CABCOCO1: variants seen among roughly 807,000 people sequenced by gnomAD.
CABCOCO1 encodes ciliary-associated calcium-binding coiled-coil protein 1.
Under a neutral mutation model 35.7 loss-of-function variants are expected in CABCOCO1, and 28 were observed. That is an observed-to-expected ratio of 0.78 (90% CI 0.58 to 1.07). The LOEUF is 1.07. CABCOCO1 is among the 50% of genes least tolerant of loss of function. The pLI is 0.00. For synonymous variants in CABCOCO1, 95 were observed against 100.1 expected (o/e 0.95, Z 0.30); for missense variants, 326 against 309.2 (o/e 1.05, Z -0.41).
chr10:61,748,033 A>G (rs180971736), intron 5 of CABCOCO1, among the ~76,000 whole-genome samples: 38 of 152,302 alleles, frequency 2.5e-4, no homozygotes, highest in African/African-American at 8.9e-4. Flanking sequence ...CCTAGCATGG[A>G]CACTTTTTGG....
At chr10:61,669,217 G>A (rs377664575) in intron 1 of CABCOCO1, among the ~76,000 whole-genome samples, 12 of 151,738 alleles carry the variant, frequency 7.9e-5, no homozygotes, top group African/African-American at 2.9e-4. Flanking sequence ...ATTCTAGAAA[G>A]AAAAAATATA....
chr10:61,766,730 A>G lies in CABCOCO1; in HGVS notation c.*717A>G, dbSNP rs1842117494. ...ACCAACCTATATATAGATTGTAAAA[A>G]TCTTAAATACAAATCAAACTCATAG... On this transcript the variant is annotated 3_prime_UTR_variant, in exon 8 of 8. Transcript: ENST00000648843. 1 of 152,164 alleles carries G rather than the reference A, an allele frequency of 6.6e-6. No individual in the cohort carries two copies. The highest frequency in any genetic ancestry group is 1.5e-5 in the Non-Finnish European group (1 of 68,020). The allele number at this position is 152,164 out of a possible 1,614,324, so 9.4% of individuals were successfully genotyped here.
chr10:61,755,171 C>T (rs1841872319), intron 5 of CABCOCO1, among the ~76,000 whole-genome samples: 1 of 152,038 alleles, frequency 6.6e-6, no homozygotes, highest in South Asian at 2.1e-4. Context: ...TTTTGAATTT[C>T]CTCTTTTCAT....
At chr10:61,712,952 T>C (rs149235475) in intron 5 of CABCOCO1, among the ~76,000 whole-genome samples, 2,122 of 152,314 alleles carry the variant, frequency 0.014, 41 homozygotes, top group African/African-American at 0.048. Context: ...TGCTTTCAGC[T>C]TTGTTCTTTT....
intron 3 of CABCOCO1, chr10:61,684,998 T>G (rs1006071481): frequency 6.6e-6 from 1 of 152,210 alleles, no homozygotes; most frequent in Non-Finnish European, 1.5e-5. Flanking sequence ...TTTGTTTTCA[T>G]TGGTGTGTAG....
At chr10:61,670,674 A>G (rs1411953893) in intron 1 of CABCOCO1, among the ~76,000 whole-genome samples, 1 of 152,172 alleles carries the variant, frequency 6.6e-6, no homozygotes, top group African/African-American at 2.4e-5. Flanking sequence ...GGAAGGCTCA[A>G]TAACTATTTG....
intron 5 of CABCOCO1, among the ~76,000 whole-genome samples, chr10:61,732,479 GACA>G (rs67794044): frequency 0.43 from 65,378 of 151,462 alleles, 15,832 homozygotes; most frequent in Non-Finnish European, 0.55. Flanking sequence ...TGACTGTAAA[GACA>G]ACAACTACCA....
chr10:61,708,682 T>C (rs138231323), intron 5 of CABCOCO1, among the ~76,000 whole-genome samples: 1 of 152,180 alleles, frequency 6.6e-6, no homozygotes, highest in East Asian at 1.9e-4. Context: ...TAATTGCCTC[T>C]CAAAGGCCAC....
intron 5 of CABCOCO1, among the ~76,000 whole-genome samples, chr10:61,698,807 T>C (rs1431806193): frequency 1.3e-5 from 2 of 152,050 alleles, no homozygotes; most frequent in Non-Finnish European, 2.9e-5. Flanking sequence ...AGTTATAGTG[T>C]CCTGAATAAA....
chr10:61,690,027 T>C (rs904345277), intron 4 of CABCOCO1, among the ~76,000 whole-genome samples: 1 of 152,144 alleles, frequency 6.6e-6, no homozygotes, highest in African/African-American at 2.4e-5. Context: ...TCAGACATTT[T>C]CTAAATGGAT....
intron 5 of CABCOCO1, among the ~76,000 whole-genome samples, chr10:61,747,053 T>TA (rs1469478058): frequency 6.6e-6 from 1 of 152,098 alleles, no homozygotes; most frequent in Admixed American, 6.6e-5. Context: ...GCAAACACTT[T>TA]AAAAAAATCT....
At chr10:61,702,586 G>A (rs1304669481) in intron 5 of CABCOCO1, among the ~76,000 whole-genome samples, 1 of 151,824 alleles carries the variant, frequency 6.6e-6, no homozygotes, top group Non-Finnish European at 1.5e-5. Flanking sequence ...AAGACTCTAG[G>A]GTTATATATT....
At chr10:61,677,141 A>G (rs572061998) in intron 2 of CABCOCO1, among the ~76,000 whole-genome samples, 4 of 152,118 alleles carry the variant, frequency 2.6e-5, no homozygotes, top group African/African-American at 7.2e-5. Flanking sequence ...ACAAAATCCA[A>G]CGTAGATTGG....
chr10:61,716,095 C>T (rs1283953354), intron 5 of CABCOCO1, among the ~76,000 whole-genome samples: 1 of 151,914 alleles, frequency 6.6e-6, no homozygotes, highest in East Asian at 1.9e-4. Flanking sequence ...GCCTAAATTG[C>T]TTCATATTTA....
chr10:61,736,891 G>GT (rs965679502), intron 5 of CABCOCO1, among the ~76,000 whole-genome samples: 5 of 151,996 alleles, frequency 3.3e-5, no homozygotes, highest in Admixed American at 2.0e-4. Context: ...GTATTTTATT[G>GT]TTTTTTTGTG....
rs117160123 is a variant in CABCOCO1 at position 61,756,787 on chromosome 10, G to A, written c.553-3272G>A. Reference sequence around the variant, plus strand: ...TGCTATTCTCATATAGAAGAAGGGAGGTTGCTAAATCAGGGTACCAAATAG... The same window carrying A: ...TGCTATTCTCATATAGAAGAAGGGAAGTTGCTAAATCAGGGTACCAAATAG... On this transcript the variant is annotated intron_variant, in intron 5 of 7. Transcript: ENST00000648843. Among the ~76,000 whole-genome samples, 690 of 152,044 alleles carry A rather than the reference G, an allele frequency of 4.5e-3. 1 individual carries two copies. The highest frequency in any genetic ancestry group is 8.2e-3 in the Non-Finnish European group (558 of 67,928).
chr10:61,757,259 T>C (rs1841916647), intron 5 of CABCOCO1, among the ~76,000 whole-genome samples: 1 of 152,118 alleles, frequency 6.6e-6, no homozygotes, highest in African/African-American at 2.4e-5. Flanking sequence ...CCATTTTTAA[T>C]GTGAAAAAAA....
intron 5 of CABCOCO1, among the ~76,000 whole-genome samples, chr10:61,751,065 TG>T (rs1841771699): frequency 6.6e-6 from 1 of 152,062 alleles, no homozygotes. Flanking sequence ...TTGATTGAGC[TG>T]GGTGGAAAGT....
intron 5 of CABCOCO1, among the ~76,000 whole-genome samples, chr10:61,751,193 C>CTGCTT (rs1564555916): frequency 6.8e-6 from 1 of 146,926 alleles, no homozygotes; most frequent in African/African-American, 2.5e-5. Flanking sequence ...TTGCTTCGCT[C>CTGCTT]TGCTTTGCTT....
Sources: allele counts gnomAD v4.1 joint callset (sites outside exome capture counted in the v4.1 genomes callset), GRCh38; gene constraint gnomAD v4.1.1; transcripts MANE v1.5; gene names NCBI Gene and HGNC (gene_info 2026-07-23, HGNC 2026-07-21).